The following LOC128706665 variants were observed in gnomAD, a reference collection of about 807,000 sequenced individuals.
the LOC128706665 span, among the ~76,000 whole-genome samples, chr20:10,416,351 C>G: frequency 1.3e-5 from 2 of 151,980 alleles, no homozygotes; most frequent in Admixed American, 6.6e-5. Context: ...ACAAGGTAAG[C>G]TGGGGTCCTT....
chr20:10,433,361 T>C, the LOC128706665 span, among the ~76,000 whole-genome samples: 2 of 152,212 alleles, frequency 1.3e-5, no homozygotes, highest in Non-Finnish European at 2.9e-5. Flanking sequence ...AACTCATGGA[T>C]AGGGAGCGTA....
the LOC128706665 span, among the ~76,000 whole-genome samples, chr20:10,422,940 T>A: frequency 1.3e-5 from 2 of 152,056 alleles, no homozygotes; most frequent in East Asian, 3.9e-4. Flanking sequence ...CTCGATCTCC[T>A]GACCTTGCGA....
At chr20:10,421,118 A>T in the LOC128706665 span, among the ~76,000 whole-genome samples, 3 of 150,688 alleles carry the variant, frequency 2.0e-5, no homozygotes, top group East Asian at 3.9e-4. Flanking sequence ...GCCTTTTTTT[A>T]AATTATATTT....
chr20:10,417,212 C>A, the LOC128706665 span, among the ~76,000 whole-genome samples: 1 of 142,320 alleles, frequency 7.0e-6, no homozygotes, highest in Non-Finnish European at 1.5e-5. Flanking sequence ...CATCACCCAA[C>A]TGCAGCCTGG....
At chr20:10,431,411 CAG>C in the LOC128706665 span, among the ~76,000 whole-genome samples, 1 of 152,064 alleles carries the variant, frequency 6.6e-6, no homozygotes, top group African/African-American at 2.4e-5. Context: ...CTACTAGCCT[CAG>C]GGGGGAACTA....
chr20:10,428,315 G>C, the LOC128706665 span, among the ~76,000 whole-genome samples: 1 of 152,202 alleles, frequency 6.6e-6, no homozygotes, highest in Non-Finnish European at 1.5e-5. Context: ...GATTGTTCCA[G>C]ATCAGATACC....
the LOC128706665 span, among the ~76,000 whole-genome samples, chr20:10,422,550 C>T: frequency 6.6e-6 from 1 of 152,068 alleles, no homozygotes. Context: ...ACAGAGGCTG[C>T]ACCAAAGGTC....
the LOC128706665 span, among the ~76,000 whole-genome samples, chr20:10,415,421 C>T: frequency 2.0e-5 from 3 of 152,158 alleles, no homozygotes; most frequent in Admixed American, 2.0e-4. Context: ...ATTTTGGTTA[C>T]CATTCCCAAT....
At chr20:10,432,789 CAAAAAAAAAAA>C in the LOC128706665 span, among the ~76,000 whole-genome samples, 1 of 74,558 alleles carries the variant, frequency 1.3e-5, no homozygotes, top group Non-Finnish European at 2.5e-5. Context: ...GACTCTTTGT[CAAAAAAAAAAA>C]AAAAAAAAAA....
the LOC128706665 span, among the ~76,000 whole-genome samples, chr20:10,432,293 TC>T: frequency 6.6e-6 from 1 of 152,230 alleles, no homozygotes; most frequent in Non-Finnish European, 1.5e-5. Context: ...CTTCCTTTCT[TC>T]CTTGGTAATC....
the LOC128706665 span, chr20:10,431,614 T>C: frequency 2.6e-5 from 4 of 152,152 alleles, no homozygotes; most frequent in Non-Finnish European, 4.4e-5. Flanking sequence ...GTTGACTCAT[T>C]TTTCAAAATC....
the LOC128706665 span, among the ~76,000 whole-genome samples, chr20:10,428,577 G>A: frequency 2.0e-5 from 3 of 152,160 alleles, no homozygotes; most frequent in Non-Finnish European, 4.4e-5. Context: ...GGTGGCTCAC[G>A]CCTCTAATTC....
At chr20:10,431,171 G>C in the LOC128706665 span, among the ~76,000 whole-genome samples, 9 of 152,036 alleles carry the variant, frequency 5.9e-5, no homozygotes, top group Non-Finnish European at 1.2e-4. Flanking sequence ...TATAAAAATA[G>C]GCACCCCTGG....
the LOC128706665 span, among the ~76,000 whole-genome samples, chr20:10,423,514 C>T: frequency 6.6e-6 from 1 of 152,094 alleles, no homozygotes; most frequent in Non-Finnish European, 1.5e-5. Flanking sequence ...AAATTAGGAA[C>T]AAATTAAATG....
the LOC128706665 span, among the ~76,000 whole-genome samples, chr20:10,427,980 G>C: frequency 1.3e-5 from 2 of 152,192 alleles, no homozygotes; most frequent in African/African-American, 2.4e-5. Flanking sequence ...ACAGGTATGC[G>C]TAAGTATCTT....
chr20:10,428,811 T>A, the LOC128706665 span, among the ~76,000 whole-genome samples: 1 of 151,522 alleles, frequency 6.6e-6, no homozygotes, highest in Non-Finnish European at 1.5e-5. Context: ...GCCATTGCAC[T>A]CCAGCCTAGG....
chr20:10,432,789 C>T, the LOC128706665 span, among the ~76,000 whole-genome samples: 1 of 74,590 alleles, frequency 1.3e-5, no homozygotes, highest in Non-Finnish European at 2.5e-5. Flanking sequence ...GACTCTTTGT[C>T]AAAAAAAAAA....
At chr20:10,432,108 G>A in the LOC128706665 span, among the ~76,000 whole-genome samples, 1 of 152,180 alleles carries the variant, frequency 6.6e-6, no homozygotes, top group African/African-American at 2.4e-5. Flanking sequence ...GAGAGTTGAA[G>A]TTAGGCCCTT....
the LOC128706665 span, among the ~76,000 whole-genome samples, chr20:10,418,423 A>G: frequency 6.6e-6 from 1 of 152,220 alleles, no homozygotes; most frequent in Non-Finnish European, 1.5e-5. Context: ...AATGAAAATA[A>G]GAATAGAAAA....
Sources: allele counts gnomAD v4.1 joint callset (sites outside exome capture counted in the v4.1 genomes callset), GRCh38; gene constraint gnomAD v4.1.1; transcripts MANE v1.5.